The following ADAMTS14 variants were observed in gnomAD, a reference collection of about 807,000 sequenced individuals.
ADAMTS14 encodes the protein ADAM metallopeptidase with thrombospondin type 1 motif 14.
A neutral mutation model predicts 128.6 loss-of-function variants in ADAMTS14; 100 were observed. The ratio of observed to expected loss-of-function variants is 0.78; its 90% CI spans 0.66 to 0.92. The LOEUF (loss-of-function observed/expected upper bound fraction) is 0.92, where lower values mean the gene tolerates loss of function less well. Ranked by LOEUF, ADAMTS14 falls within the 40% of genes least tolerant of loss-of-function variation. The pLI is 0.00. For missense variants in ADAMTS14, 1,562 were observed against 1,658.6 expected (o/e 0.94, Z 1.01); for synonymous variants, 665 against 653.8 (o/e 1.02, Z -0.26).
Position 70,749,935 on chromosome 10 carries a change from A to C in ADAMTS14, c.2377A>C (p.Lys793Gln). The change falls in exon 16 of 22, where the codon AAG becomes CAG. Residue 793 changes from lysine (K) to glutamine (Q), a missense_variant. Lys to Gln is a moderately conservative substitution (Grantham distance 53). Transcript: ENST00000373207. ...GTGGGAGGATGCGGTGGAGGATGCC[A>C]AGGAAAGCCTCAAGACCAGCGGGCC... is the stretch of plus-strand genomic sequence containing the variant. ...LEWEDAVEDA[K>Q]ESLKTSGPLP... 1.2e-6 allele frequency: 2 copies of C among 1,614,122 alleles called. No homozygotes were observed. The highest frequency in any genetic ancestry group is 4.5e-5 in the East Asian group (2 of 44,870).
chr10:70,744,729 T>C (rs971128567), intron 14 of ADAMTS14, among the ~76,000 whole-genome samples: 1 of 152,216 alleles, frequency 6.6e-6, no homozygotes, highest in Non-Finnish European at 1.5e-5. Context: ...CCTTGGGAGA[T>C]GTTACACTTT....
chr10:70,693,922 G>A (rs952923265), intron 2 of ADAMTS14, among the ~76,000 whole-genome samples: 4 of 152,232 alleles, frequency 2.6e-5, no homozygotes, highest in African/African-American at 9.6e-5. Context: ...ATGGGGTGCC[G>A]TGCAGATGTA....
At chr10:70,683,150 A>G (rs1489836872) in intron 2 of ADAMTS14, among the ~76,000 whole-genome samples, 2 of 152,136 alleles carry the variant, frequency 1.3e-5, no homozygotes, top group African/African-American at 2.4e-5. Context: ...ACCCCCCTGC[A>G]TGTGCTCACG....
At chr10:70,752,546 G>A (rs1842380248) in intron 18 of ADAMTS14, among the ~76,000 whole-genome samples, 1 of 152,198 alleles carries the variant, frequency 6.6e-6, no homozygotes, top group African/African-American at 2.4e-5. Flanking sequence ...TTATTTAGGG[G>A]AGAGACTTTG....
At chr10:70,681,221 G>T (rs888071523) in intron 2 of ADAMTS14, among the ~76,000 whole-genome samples, 1 of 152,214 alleles carries the variant, frequency 6.6e-6, no homozygotes, top group African/African-American at 2.4e-5. Flanking sequence ...ATGCATGCCA[G>T]GGGTGGCTTG....
chr10:70,703,348 G>A (rs1840553111), intron 3 of ADAMTS14, among the ~76,000 whole-genome samples: 1 of 152,234 alleles, frequency 6.6e-6, no homozygotes, highest in African/African-American at 2.4e-5. Context: ...GTGAAATCTG[G>A]TTATGACTGG....
intron 19 of ADAMTS14, among the ~76,000 whole-genome samples, chr10:70,756,715 A>T (rs1415940780): frequency 6.6e-6 from 1 of 152,216 alleles, no homozygotes; most frequent in Non-Finnish European, 1.5e-5. Context: ...CCGTGGAGTC[A>T]CAGCAGGTTG....
chr10:70,720,698 C>T (rs78393186), intron 4 of ADAMTS14, among the ~76,000 whole-genome samples: 4,147 of 152,350 alleles, frequency 0.027, 75 homozygotes, highest in African/African-American at 0.032. Flanking sequence ...CACAGGTACC[C>T]ACACACATGC....
At chr10:70,725,309 C>G (rs1166366720) in intron 4 of ADAMTS14, among the ~76,000 whole-genome samples, 1 of 152,086 alleles carries the variant, frequency 6.6e-6, no homozygotes, top group African/African-American at 2.4e-5. Flanking sequence ...AGGGAACTTT[C>G]CAATGATGAA....
chr10:70,679,307 G>A (rs1839733970), intron 2 of ADAMTS14, among the ~76,000 whole-genome samples: 1 of 152,198 alleles, frequency 6.6e-6, no homozygotes, highest in African/African-American at 2.4e-5. Flanking sequence ...GGCGGGGCCT[G>A]GTCCTGCCTG....
At position 70,744,092 on chromosome 10, in the gene ADAMTS14, G is replaced by A. The variant is rs577746880; in HGVS notation, c.2085G>A (p.Gly695=). 2.6e-6 allele frequency: 4 copies of A among 1,565,318 alleles called. No homozygotes were observed. Among genetic ancestry groups the A allele is most frequent in the Admixed American group, 1.9e-5 (1 of 52,928 alleles). ...CVPVGCDKEV[G]SMKADDKCGV... ...CTGTCGGCTGTGACAAGGAGGTGGG[G>A]TCCATGAAGGCGGATGACAAGTGTG... The change falls in exon 14 of 22, where the codon GGG becomes GGA. Residue 695 remains glycine, a synonymous_variant. Transcript: ENST00000373207.
chr10:70,727,261 TC>T (rs1378345190), intron 4 of ADAMTS14, among the ~76,000 whole-genome samples: 1 of 152,218 alleles, frequency 6.6e-6, no homozygotes, highest in Non-Finnish European at 1.5e-5. Context: ...CATCTCCTGT[TC>T]CCCTCCTGGC....
chr10:70,697,836 CTGGATGAAGAGGCAGCCGAA>C (rs1269222615), intron 2 of ADAMTS14, among the ~76,000 whole-genome samples: 3 of 152,206 alleles, frequency 2.0e-5, no homozygotes, highest in Non-Finnish European at 4.4e-5. Flanking sequence ...CTGGAGACCT[CTGGATGAAGAGGCAGCCGAA>C]TGTGTTACCT....
intron 3 of ADAMTS14, among the ~76,000 whole-genome samples, chr10:70,703,635 T>C (rs1840562179): frequency 6.6e-6 from 1 of 152,158 alleles, no homozygotes; most frequent in Non-Finnish European, 1.5e-5. Flanking sequence ...CTCCATTTTT[T>C]AAAGGACGAT....
At chr10:70,698,231 C>T (rs1840391630) in intron 2 of ADAMTS14, among the ~76,000 whole-genome samples, 3 of 152,146 alleles carry the variant, frequency 2.0e-5, no homozygotes, top group African/African-American at 7.2e-5. Context: ...ATTTATTTCT[C>T]CTTTTTTCTT....
At chr10:70,727,167 C>T (rs968985497) in intron 4 of ADAMTS14, among the ~76,000 whole-genome samples, 9 of 152,320 alleles carry the variant, frequency 5.9e-5, no homozygotes, top group Admixed American at 3.3e-4. Flanking sequence ...TGGTGATGCA[C>T]GCGGCTTCTG....
Position 70,757,888 on chromosome 10 carries a change from C to T in ADAMTS14, c.2938-74C>T, listed in dbSNP as rs182029124. On this transcript the variant is annotated intron_variant, in intron 19 of 21. Coordinates refer to ENST00000373207, the MANE Select transcript of ADAMTS14 (RefSeq NM_080722.4). ...CCGGGCACTGGCTGGGCTCTGAGCT[C>T]ACTGACTCGTCTTTCTTCTCTCCAC... The T allele has an allele frequency of 1.2e-4, 175 of 1,520,378 alleles. No homozygotes were observed. In the African/African-American group the frequency reaches 2.3e-3, roughly 20 times the overall value. 94.2% of individuals were successfully genotyped at this position (1,520,378 alleles called of 1,614,324 possible).
chr10:70,689,669 G>A (rs1292579340), intron 2 of ADAMTS14, among the ~76,000 whole-genome samples: 1 of 145,668 alleles, frequency 6.9e-6, no homozygotes, highest in Non-Finnish European at 1.6e-5. Context: ...GATGACATTC[G>A]CCTTCCTGCG....
At chr10:70,708,826 G>GGGGCCCCCC in intron 4 of ADAMTS14, 48 bp downstream of exon 4, 2 of 396,626 alleles carry the variant, frequency 5.0e-6, no homozygotes, top group East Asian at 7.1e-5. Context: ...GGTGGGGTGG[G>GGGGCCCCCC]CCCCACCCCA....
Sources: allele counts gnomAD v4.1 joint callset (sites outside exome capture counted in the v4.1 genomes callset), GRCh38; gene constraint gnomAD v4.1.1; transcripts MANE v1.5; gene names NCBI Gene and HGNC (gene_info 2026-07-23, HGNC 2026-07-21).